MACROD2: variants seen among roughly 807,000 people sequenced by gnomAD.
The protein encoded by MACROD2 is ADP-ribose glycohydrolase MACROD2.
Under a neutral mutation model 70.4 loss-of-function variants are expected in MACROD2, and 36 were observed. The observed-to-expected ratio is 0.51, with a 90% CI of 0.39 to 0.68. The LOEUF is 0.68. Ranked by LOEUF, MACROD2 falls within the 30% of genes least tolerant of loss-of-function variation. MACROD2 has a pLI of 0.00. For missense variants in MACROD2, 496 were observed against 538.4 expected, an observed-to-expected ratio of 0.92 and a Z score of 0.78; for synonymous variants, 172 against 178.8, an observed-to-expected ratio of 0.96 and a Z score of 0.30.
intron 5 of MACROD2, among the ~76,000 whole-genome samples, chr20:14,755,452 G>T (rs2071927815): frequency 6.6e-6 from 1 of 152,018 alleles, no homozygotes; most frequent in Non-Finnish European, 1.5e-5. Context: ...TATGTTTTTA[G>T]GTTAGATGTA....
At chr20:14,232,927 C>T (rs1320482336) in intron 3 of MACROD2, among the ~76,000 whole-genome samples, 8 of 152,242 alleles carry the variant, frequency 5.3e-5, no homozygotes, top group African/African-American at 2.4e-5. Context: ...AAGTGAGACA[C>T]ATGTGACTCT....
At chr20:14,241,066 A>C (rs2081925075) in intron 3 of MACROD2, among the ~76,000 whole-genome samples, 1 of 152,148 alleles carries the variant, frequency 6.6e-6, no homozygotes. Context: ...CAGTGAGCCG[A>C]GATTGCATCA....
intron 6 of MACROD2, among the ~76,000 whole-genome samples, chr20:15,392,291 T>C (rs1472693734): frequency 1.3e-5 from 2 of 152,166 alleles, no homozygotes; most frequent in Admixed American, 6.5e-5. Context: ...TCCACCATCA[T>C]TGACTTTTAT....
intron 5 of MACROD2, among the ~76,000 whole-genome samples, chr20:14,982,910 C>T (rs2074814595): frequency 1.3e-5 from 2 of 152,156 alleles, no homozygotes; most frequent in Non-Finnish European, 2.9e-5. Context: ...ATGGTAGATC[C>T]ACTGACAGCT....
intron 3 of MACROD2, among the ~76,000 whole-genome samples, chr20:14,230,623 A>G (rs979192875): frequency 1.1e-4 from 2 of 18,618 alleles, no homozygotes; most frequent in African/African-American, 1.4e-4. Context: ...CCAAACTCTC[A>G]TTCATGTTTA....
intron 5 of MACROD2, among the ~76,000 whole-genome samples, chr20:14,720,539 T>C (rs1201917492): frequency 1.2e-3 from 36 of 30,772 alleles, no homozygotes; most frequent in African/African-American, 4.4e-3. Flanking sequence ...CCCACAACTT[T>C]TTTTTTTTTT....
intron 4 of MACROD2, among the ~76,000 whole-genome samples, chr20:14,567,919 A>T (rs902205462): frequency 1.3e-5 from 2 of 152,074 alleles, no homozygotes; most frequent in Non-Finnish European, 2.9e-5. Context: ...GAGAGAAATT[A>T]TGCATTATAT....
chr20:15,371,437 T>C (rs907101353), intron 6 of MACROD2, among the ~76,000 whole-genome samples: 2 of 152,162 alleles, frequency 1.3e-5, no homozygotes, highest in Admixed American at 1.3e-4. Context: ...AGATTGTATT[T>C]TGATTTGCTT....
intron 5 of MACROD2, among the ~76,000 whole-genome samples, chr20:14,966,471 G>A (rs2122783159): frequency 6.6e-6 from 1 of 152,284 alleles, no homozygotes; most frequent in South Asian, 2.1e-4. Context: ...AGCTACTCAG[G>A]AGGCTGAGGT....
intron 4 of MACROD2, among the ~76,000 whole-genome samples, chr20:14,572,716 T>A (rs1156987822): frequency 6.6e-6 from 1 of 152,024 alleles, no homozygotes; most frequent in Non-Finnish European, 1.5e-5. Flanking sequence ...GACTGGAAGT[T>A]GGCATGAGGA....
chr20:14,017,793 A>G (rs1007740066), intron 2 of MACROD2, among the ~76,000 whole-genome samples: 2 of 152,106 alleles, frequency 1.3e-5, no homozygotes, highest in African/African-American at 4.8e-5. Context: ...TTATCAGGGT[A>G]ATGCTGGCTA....
At chr20:15,722,815 G>C (rs562623711) in intron 8 of MACROD2, among the ~76,000 whole-genome samples, 36 of 152,022 alleles carry the variant, frequency 2.4e-4, no homozygotes, top group Non-Finnish European at 3.5e-4. Context: ...CTGAAGTCAT[G>C]AGGCTATCAT....
intron 3 of MACROD2, among the ~76,000 whole-genome samples, chr20:14,342,525 T>C (rs187841619): frequency 2.6e-5 from 4 of 152,306 alleles, no homozygotes; most frequent in Middle Eastern, 3.4e-3. Flanking sequence ...TAATAAAATA[T>C]ATAGAGAGTG....
At chr20:15,444,956 T>TACTATC (rs1055334043) in intron 7 of MACROD2, among the ~76,000 whole-genome samples, 13 of 152,034 alleles carry the variant, frequency 8.6e-5, no homozygotes, top group African/African-American at 3.1e-4. Context: ...ATTTAACAAT[T>TACTATC]ATTTTTAATA....
intron 4 of MACROD2, among the ~76,000 whole-genome samples, chr20:14,598,865 A>G (rs1419597815): frequency 1.3e-5 from 2 of 152,196 alleles, no homozygotes; most frequent in Admixed American, 6.5e-5. Flanking sequence ...GAAGAATTAT[A>G]TCATGTAAAT....
intron 8 of MACROD2, among the ~76,000 whole-genome samples, chr20:15,662,567 C>A (rs2049836432): frequency 6.6e-6 from 1 of 152,038 alleles, no homozygotes; most frequent in Admixed American, 6.5e-5. Flanking sequence ...GAAAATGCTA[C>A]TTCTTCTGCT....
intron 5 of MACROD2, among the ~76,000 whole-genome samples, chr20:14,792,291 T>C (rs554466540): frequency 6.6e-6 from 1 of 152,102 alleles, no homozygotes; most frequent in Admixed American, 6.6e-5. Context: ...TACTTGTGGA[T>C]ACACACACAT....
intron 8 of MACROD2, among the ~76,000 whole-genome samples, chr20:15,608,784 T>C (rs1354280195): frequency 6.6e-6 from 1 of 152,212 alleles, no homozygotes; most frequent in East Asian, 1.9e-4. Context: ...TAACTTTAGA[T>C]ACCTGTGCTT....
intron 8 of MACROD2, among the ~76,000 whole-genome samples, chr20:15,532,012 A>G (rs1302713994): frequency 6.6e-6 from 1 of 152,108 alleles, no homozygotes; most frequent in Admixed American, 6.6e-5. Flanking sequence ...TTGAGTACTG[A>G]ATGCCTTTTT....
Sources: gnomAD v4.1 joint callset for allele counts (sites outside exome capture counted in the v4.1 genomes callset) on GRCh38, gnomAD v4.1.1 for gene constraint, MANE v1.5 for transcripts, NCBI Gene and HGNC (gene_info 2026-07-23, HGNC 2026-07-21) for gene names.